The following ARAP1 variants were observed in gnomAD, a reference collection of about 807,000 sequenced individuals.
ARAP1 encodes arf-GAP with Rho-GAP domain, ANK repeat and PH domain-containing protein 1.
In ARAP1, 76 loss-of-function variants were observed where a neutral mutation model predicts 172.2. That is an observed-to-expected ratio of 0.44 (90% CI 0.37 to 0.53). The LOEUF is 0.53. ARAP1 is among the 20% of genes least tolerant of loss of function. The probability of loss-of-function intolerance (pLI) is 0.00; values close to 1 mark genes in which losing one functional copy is unlikely to be tolerated. For missense variants in ARAP1, 1,686 were observed against 1,977.5 expected, an observed-to-expected ratio of 0.85 and a Z score of 2.80; for synonymous variants, 804 against 803.3, an observed-to-expected ratio of 1.00 and a Z score of -0.01.
chr11:72,694,862 G>T, intron 27 of ARAP1, 118 bp downstream of exon 27: 1 of 822,672 alleles, frequency 1.2e-6, no homozygotes. Flanking sequence ...ACAGCAACAT[G>T]TCATCAAAGC....
rs1331554194 is a variant in ARAP1, at chr11:72,695,062, C to T, written c.3612G>A (p.Leu1204=). The change falls in exon 27 of 35, where the codon CTG becomes CTA. Residue 1204 remains leucine, a synonymous_variant. Transcript: ENST00000393609. The surrounding 1 kb of genome is among the most constrained non-coding windows in gnomAD (Gnocchi z 4.4). ...PASMTAEELT[L]EILDRRNVGI... Reference sequence around the variant, plus strand: ...CCACGTTCCGGCGATCCAGGATCTCCAGGGTGAGCTCCTCAGCAGTCATGG... The same window carrying T: ...CCACGTTCCGGCGATCCAGGATCTCTAGGGTGAGCTCCTCAGCAGTCATGG... 1.2e-6 allele frequency: 2 copies of T among 1,614,148 alleles called. No individual in the cohort carries two copies. Among genetic ancestry groups the T allele is most frequent in the Admixed American group, 3.3e-5 (2 of 60,024 alleles).
intron 12 of ARAP1, 81 bp from the exon 13 acceptor site, chr11:72,705,971 A>G: frequency 1.4e-6 from 2 of 1,427,546 alleles, no homozygotes; most frequent in Non-Finnish European, 1.9e-6. Flanking sequence ...GTCTACTGGG[A>G]CAGGCAGGGA....
At chr11:72,731,543 C>T (rs1346572624) in intron 2 of ARAP1, among the ~76,000 whole-genome samples, 1 of 152,190 alleles carries the variant, frequency 6.6e-6, no homozygotes, top group African/African-American at 2.4e-5. Context: ...GATGCTGGTG[C>T]CATGCTTATA....
At chr11:72,732,841 G>A (rs987969204) in intron 1 of ARAP1, among the ~76,000 whole-genome samples, 1 of 152,094 alleles carries the variant, frequency 6.6e-6, no homozygotes, top group Non-Finnish European at 1.5e-5. Context: ...AAATTATCCA[G>A]GTGTGGTAGT....
At chr11:72,701,854 T>C (rs1856498069) in intron 15 of ARAP1, 71 bp from the exon 16 acceptor site, 3 of 1,559,002 alleles carry the variant, frequency 1.9e-6, no homozygotes, top group Non-Finnish European at 1.7e-6. Flanking sequence ...CACTCCCACC[T>C]GGCCTGGGCA....
In ARAP1 at chr11:72,685,363, C is replaced by T; in HGVS notation, c.*301G>A. 1 of 470,536 alleles carries T rather than the reference C, an allele frequency of 2.1e-6. No individual in the cohort carries two copies. The highest frequency in any genetic ancestry group is 3.8e-6 in the Non-Finnish European group (1 of 261,130). 29.1% of individuals were successfully genotyped at this position (470,536 alleles called of 1,614,324 possible). A position where few individuals can be genotyped will look rare whatever the true frequency, so the allele number is the denominator to read the frequency against. On this transcript the variant is annotated 3_prime_UTR_variant, in exon 35 of 35. Transcript: ENST00000393609. ...GAAAGGGTGGTGGTCCTCCCAAGTTCCTGACTTATGCCCATCTCTCCAGCC... is the reference window on the plus strand; with the variant it reads ...GAAAGGGTGGTGGTCCTCCCAAGTTTCTGACTTATGCCCATCTCTCCAGCC...
chr11:72,708,501 A>C, intron 11 of ARAP1: 1 of 169,886 alleles, frequency 5.9e-6, no homozygotes, highest in East Asian at 1.4e-4. Flanking sequence ...GTGGTAGTTA[A>C]GGACTATGGC....
In ARAP1 at chr11:72,699,321, G is replaced by A. The variant is rs561331177; in HGVS notation, c.2438+96C>T. 181 of 1,564,008 alleles carry A rather than the reference G, an allele frequency of 1.2e-4. No homozygotes were observed. The highest frequency in any genetic ancestry group is 7.6e-4 in the African/African-American group (56 of 74,042). Reference sequence around the variant, plus strand: ...GCCTCCGTTTGCTGTGTGACTCTGCGGAGGTCCTCCCCTTCTCTGGGTCTA... The same window carrying A: ...GCCTCCGTTTGCTGTGTGACTCTGCAGAGGTCCTCCCCTTCTCTGGGTCTA... On this transcript the variant is annotated intron_variant, in intron 17 of 34. Coordinates refer to ENST00000393609, the MANE Select transcript of ARAP1 (RefSeq NM_001040118.3). The surrounding 1 kb of genome is among the most constrained non-coding windows in gnomAD (Gnocchi z 4.2).
At chr11:72,696,163 G>A (rs2135503662) in intron 23 of ARAP1, among the ~76,000 whole-genome samples, 1 of 152,202 alleles carries the variant, frequency 6.6e-6, no homozygotes. Flanking sequence ...GACAGGGTCG[G>A]GGGGCAGGGG....
rs778794533 is a variant in ARAP1, at chr11:72,697,013, C to T, written c.3136G>A (p.Ala1046Thr). ...GCCTCCAGCCAGGTTAGGCGCTGGG[C>T]GCGAGTGAAGAGCCCATCAGGCAGG... ...RDLPDGLFTR[A>T]QRLTWLEASE... The change falls in exon 22 of 35, where the codon GCC becomes ACC. Residue 1046 changes from alanine to threonine, a missense_variant. Coordinates refer to ENST00000393609, the MANE Select transcript of ARAP1 (RefSeq NM_001040118.3). 3 of 1,608,320 alleles carry T rather than the reference C, an allele frequency of 1.9e-6. No individual in the cohort carries two copies. The highest frequency in any genetic ancestry group is 1.3e-5 in the African/African-American group (1 of 75,058).
In ARAP1 at chr11:72,695,508, G is replaced by A. The variant is rs1486737617; in HGVS notation, c.3507+34C>T. ...GCCTAGGAAATGGGTGCAGGTGGCA[G>A]GTCCAAGCCCCCCACCCAGGCTCCA... On this transcript the variant is annotated intron_variant, in intron 25 of 34. Transcript: ENST00000393609. This position sits in a 1 kb window ranked among gnomAD's most constrained non-coding sequence, Gnocchi z 4.4. 1 of 1,614,148 alleles carries A rather than the reference G, an allele frequency of 6.2e-7. No individual in the cohort carries two copies. Among genetic ancestry groups the A allele is most frequent in the South Asian group, 1.1e-5 (1 of 91,088 alleles).
At chr11:72,720,897 C>G (rs1468416416) in intron 3 of ARAP1, among the ~76,000 whole-genome samples, 3 of 152,208 alleles carry the variant, frequency 2.0e-5, no homozygotes, top group East Asian at 3.9e-4. Context: ...GACCTACACT[C>G]AGCTTTCCCA....
At chr11:72,718,212 G>A (rs1857363833) in intron 3 of ARAP1, among the ~76,000 whole-genome samples, 1 of 152,104 alleles carries the variant, frequency 6.6e-6, no homozygotes, top group Non-Finnish European at 1.5e-5. Context: ...CCCAGGAAAG[G>A]AGAAGTGCTT....
In ARAP1 at chr11:72,685,539, T is replaced by G; in HGVS notation, c.*125A>C. ...CATGCTGCAGTCAGGATGGAGGATG[T>G]GGGTTGTGGGGTGCAGTTTCCCATG... On this transcript the variant is annotated 3_prime_UTR_variant, in exon 35 of 35. Transcript: ENST00000393609. 2.3e-6 allele frequency: 3 copies of G among 1,321,692 alleles called. No homozygotes were observed. Among genetic ancestry groups the G allele is most frequent in the Non-Finnish European group, 3.3e-6 (3 of 922,102 alleles). The allele number at this position is 1,321,692 out of a possible 1,614,324, so 81.9% of individuals were successfully genotyped here.
chr11:72,717,464 C>T (rs1271933890), intron 3 of ARAP1, among the ~76,000 whole-genome samples: 3 of 152,178 alleles, frequency 2.0e-5, no homozygotes, highest in African/African-American at 7.2e-5. Flanking sequence ...ATAAAAACTG[C>T]CCACCTGCTC....
chr11:72,709,496 G>C (rs1856912856), intron 11 of ARAP1, among the ~76,000 whole-genome samples: 1 of 152,160 alleles, frequency 6.6e-6, no homozygotes, highest in South Asian at 2.1e-4. Flanking sequence ...AGATGGCAGA[G>C]GCTTGGTGGC....
In ARAP1 at chr11:72,695,362, T is replaced by C. The variant is rs1169993289; in HGVS notation, c.3576+25A>G. The C allele has an allele frequency of 6.2e-7, 1 of 1,614,028 alleles. No homozygotes were observed. Among genetic ancestry groups the C allele is most frequent in the Admixed American group, 1.7e-5 (1 of 60,028 alleles). On this transcript the variant is annotated intron_variant, in intron 26 of 34. Coordinates refer to ENST00000393609, the MANE Select transcript of ARAP1 (RefSeq NM_001040118.3). The surrounding 1 kb of genome is among the most constrained non-coding windows in gnomAD (Gnocchi z 4.4). ...TGGCCCAGCCTGATTCTCTAGCCCC[T>C]TGGCTTCTAGGTCCCAGCACCTACC...
In ARAP1 at chr11:72,707,166, T is replaced by C. The variant is rs755611684; in HGVS notation, c.1723+9A>G. 3.8e-6 allele frequency: 6 copies of C among 1,568,836 alleles called. No homozygotes were observed. Among genetic ancestry groups the C allele is most frequent in the African/African-American group, 1.4e-5 (1 of 73,930 alleles). On this transcript the variant is annotated intron_variant, in intron 12 of 34. Coordinates refer to ENST00000393609, the MANE Select transcript of ARAP1 (RefSeq NM_001040118.3). Reference sequence around the variant, plus strand: ...CCTCTGCCTGGTGCCCCGACCCCCATGCACACACCTGCACAGCGCTTGCAG... The same window carrying C: ...CCTCTGCCTGGTGCCCCGACCCCCACGCACACACCTGCACAGCGCTTGCAG...
chr11:72,735,332 C>T (rs968175755), intron 1 of ARAP1, among the ~76,000 whole-genome samples: 9 of 150,822 alleles, frequency 6.0e-5, no homozygotes, highest in African/African-American at 1.2e-4. Flanking sequence ...AACTGAGGGC[C>T]GGGCGCAGTG....
Sources: gnomAD v4.1 joint callset for allele counts (sites outside exome capture counted in the v4.1 genomes callset) on GRCh38, gnomAD v4.1.1 for gene constraint, Gnocchi (gnomAD v3.1) non-coding constraint, MANE v1.5 for transcripts, NCBI Gene and HGNC (gene_info 2026-07-23, HGNC 2026-07-21) for gene names.